The following BTBD7 variants were observed in gnomAD, a reference collection of about 807,000 sequenced individuals.
BTBD7 encodes the protein BTB domain containing 7, also known as BTB/POZ domain-containing protein 7.
Under a neutral mutation model 99.9 loss-of-function variants are expected in BTBD7, and 38 were observed. The observed-to-expected ratio is 0.38, with a 90% confidence interval of 0.29 to 0.50. BTBD7 has a LOEUF of 0.50. Among genes scored for constraint, BTBD7 ranks in the 20% least tolerant of loss-of-function variants. BTBD7 has a pLI of 0.93. For synonymous variants in BTBD7, 520 were observed against 511.4 expected (o/e 1.02, Z -0.23); for missense variants, 1,170 against 1,394.6 (o/e 0.84, Z 2.57).
rs1190193853 is a variant in BTBD7, at chr14:93,300,925, T to G, written c.-106-4768A>C. On this transcript the variant is annotated intron_variant, in intron 1 of 10. Transcript: ENST00000334746. The stretch of plus-strand genomic sequence containing the variant: ...CCACGGTGCCCAGCTGGAAGGTATT[T>G]CCATACTAAATGTTAATCTACAGAG... 5.9e-5 allele frequency among the ~76,000 whole-genome samples: 9 copies of G among 152,076 alleles called. 1 individual carries two copies. The highest frequency in any genetic ancestry group is 1.5e-5 in the Non-Finnish European group (1 of 67,956).
At chr14:93,265,343 C>A (rs1053333395) in intron 3 of BTBD7, among the ~76,000 whole-genome samples, 1 of 152,154 alleles carries the variant, frequency 6.6e-6, no homozygotes, top group Admixed American at 6.5e-5. Context: ...CATAGAGAAC[C>A]GTATAACTTC....
At position 93,242,685 on chromosome 14, in the gene BTBD7, T is replaced by C. The variant is rs977390529; in HGVS notation, c.2987A>G (p.Gln996Arg). Residue 996 changes from glutamine (Q) to arginine (R), a missense_variant, in exon 11 of 11, where the codon CAG becomes CGG. Gln to Arg is a conservative substitution (Grantham distance 43). Coordinates refer to ENST00000334746, the MANE Select transcript of BTBD7 (RefSeq NM_001002860.4). Reference sequence around the variant, plus strand: ...TTCTTCCTGTTTTTTAGGAGACGTCTGACCAGGTAGGTAGGCTGACTTTAA... The same window carrying C: ...TTCTTCCTGTTTTTTAGGAGACGTCCGACCAGGTAGGTAGGCTGACTTTAA... ...SGLKSAYLPG[Q>R]TSPKKQEEAR... The C allele has an allele frequency of 1.2e-6, 2 of 1,614,214 alleles. No homozygotes were observed. The highest frequency in any genetic ancestry group is 2.2e-5 in the South Asian group (2 of 91,084).
At chr14:93,246,388 C>T (rs2052311690) in intron 9 of BTBD7, 102 bp from the exon 10 acceptor site, 2 of 1,226,052 alleles carry the variant, frequency 1.6e-6, no homozygotes, top group Non-Finnish European at 1.1e-6. Flanking sequence ...AAGAAAACCA[C>T]AGTCAGCAAG....
chr14:93,307,341 G>C (rs2053082415), intron 1 of BTBD7, among the ~76,000 whole-genome samples: 1 of 152,062 alleles, frequency 6.6e-6, no homozygotes, highest in Non-Finnish European at 1.5e-5. Context: ...TTTCTGTAGA[G>C]ACAGGGCCTC....
rs2052925063 is a variant in BTBD7 at position 93,296,215 on chromosome 14, T to A, written c.-106-58A>T. 4.1e-6 allele frequency: 5 copies of A among 1,216,696 alleles called. No homozygotes were observed. In the African/African-American group the frequency reaches 7.8e-5, roughly 19 times the overall value. 75.4% of individuals were successfully genotyped at this position (1,216,696 alleles called of 1,614,324 possible). A position where few individuals can be genotyped will look rare whatever the true frequency, so the allele number is the denominator to read the frequency against. The stretch of plus-strand genomic sequence containing the variant: ...TTTTCAAGTGTATCTCAGATCACAG[T>A]TTTTTTTAAAAAGCTACTGAAAACT... On this transcript the variant is annotated intron_variant, in intron 1 of 10. Transcript: ENST00000334746.
In BTBD7 at chr14:93,242,533, C is replaced by CTGGGT; in HGVS notation, c.3138_3139insACCCA (p.Ala1047ThrfsTer16). The CTGGGT allele has an allele frequency of 1.2e-6, 2 of 1,614,240 alleles. No individual in the cohort carries two copies. The highest frequency in any genetic ancestry group is 1.7e-6 in the Non-Finnish European group (2 of 1,180,050). ...CTGACATGGGCTGGACCGGTACTAG[C>CTGGGT]ATTTTCTGGGGCTGCCAAAGGAAAG... is the stretch of plus-strand genomic sequence containing the variant. On this transcript the variant is annotated frameshift_variant, in exon 11 of 11. Transcript: ENST00000334746. LOFTEE classifies it high-confidence loss of function.
chr14:93,331,568 C>T (rs76270837), intron 1 of BTBD7, among the ~76,000 whole-genome samples: 3,092 of 152,272 alleles, frequency 0.02, 55 homozygotes, highest in Non-Finnish European at 0.031. Flanking sequence ...GAAACAGATG[C>T]TATTAGGGAC....
At chr14:93,273,125 C>T (rs372244418) in intron 3 of BTBD7, among the ~76,000 whole-genome samples, 1 of 152,166 alleles carries the variant, frequency 6.6e-6, no homozygotes, top group African/African-American at 2.4e-5. Context: ...AGGTCTCCCC[C>T]TCCCATTCCT....
At chr14:93,317,296 C>T (rs996788930) in intron 1 of BTBD7, among the ~76,000 whole-genome samples, 4 of 152,058 alleles carry the variant, frequency 2.6e-5, no homozygotes, top group Non-Finnish European at 4.4e-5. Context: ...TGAGCCACTG[C>T]GCCCGGCCGG....
At chr14:93,287,661 T>C (rs376232838) in intron 3 of BTBD7, 1 of 152,198 alleles carries the variant, frequency 6.6e-6, no homozygotes, top group Admixed American at 6.5e-5. Flanking sequence ...TGTTCAAACA[T>C]TGAAAGTAAT....
chr14:93,307,180 G>C (rs1167154049), intron 1 of BTBD7, among the ~76,000 whole-genome samples: 2 of 152,034 alleles, frequency 1.3e-5, no homozygotes, highest in African/African-American at 4.8e-5. Flanking sequence ...TTATTTTTAA[G>C]AGGCAGAGTC....
intron 9 of BTBD7, among the ~76,000 whole-genome samples, chr14:93,247,409 G>A (rs1212180094): frequency 1.3e-5 from 2 of 152,114 alleles, no homozygotes; most frequent in Non-Finnish European, 2.9e-5. Flanking sequence ...GTGCAGTGGT[G>A]CAATCTTGGC....
chr14:93,301,462 T>C lies in BTBD7; in HGVS notation c.-106-5305A>G, dbSNP rs562869312. ...TGCCTTGGCCTCCCAAATGCTGGGA[T>C]TACAGGCGTGAGCCACCGTGCCCAG... On this transcript the variant is annotated intron_variant, in intron 1 of 10. Transcript: ENST00000334746. Among the ~76,000 whole-genome samples, 25 of 152,148 alleles carry C rather than the reference T, an allele frequency of 1.6e-4. No homozygotes were observed. In the East Asian group the frequency reaches 2.7e-3, roughly 17 times the overall value.
chr14:93,316,679 G>C (rs2053210830), intron 1 of BTBD7, among the ~76,000 whole-genome samples: 1 of 152,124 alleles, frequency 6.6e-6, no homozygotes, highest in South Asian at 2.1e-4. Flanking sequence ...AAATATAGTA[G>C]GTGCTTAACA....
chr14:93,300,756 GTGTGTGTGTGTGTGTGTATATATATA>G (rs2052990490), intron 1 of BTBD7, among the ~76,000 whole-genome samples: 1 of 48,030 alleles, frequency 2.1e-5, no homozygotes, highest in African/African-American at 1.3e-4. Flanking sequence ...GTGTGTGTGT[GTGTGTGTGTGTGTGTGTATATATATA>G]TATATTTTTT....
intron 1 of BTBD7, among the ~76,000 whole-genome samples, chr14:93,312,243 C>T (rs1166646433): frequency 6.6e-6 from 1 of 152,148 alleles, no homozygotes; most frequent in East Asian, 1.9e-4. Context: ...ATTCTCCCCA[C>T]ATTCTTGATA....
intron 1 of BTBD7, among the ~76,000 whole-genome samples, chr14:93,298,778 A>G (rs1422422817): frequency 6.6e-6 from 1 of 152,222 alleles, no homozygotes; most frequent in Non-Finnish European, 1.5e-5. Flanking sequence ...GCACAATTAG[A>G]TATCCTAAAG....
At chr14:93,278,989 G>C (rs2052687940) in intron 3 of BTBD7, among the ~76,000 whole-genome samples, 1 of 152,168 alleles carries the variant, frequency 6.6e-6, no homozygotes, top group Non-Finnish European at 1.5e-5. Context: ...TGAATACACA[G>C]AGCATAAAAC....
chr14:93,319,903 T>C lies in BTBD7; in HGVS notation c.-107+12917A>G, dbSNP rs192916524. ...AAGAAAGGAAGACTTGAGAGTTGAA[T>C]AACAGAGAACAAGAAAGAAAGGGGC... On this transcript the variant is annotated intron_variant, in intron 1 of 10. Coordinates refer to ENST00000334746, the MANE Select transcript of BTBD7 (RefSeq NM_001002860.4). Among the ~76,000 whole-genome samples, 60 of 152,182 alleles carry C rather than the reference T, an allele frequency of 3.9e-4. No individual in the cohort carries two copies. In the East Asian group the frequency reaches 0.011, roughly 29 times the overall value.
Sources: allele counts gnomAD v4.1 joint callset (sites outside exome capture counted in the v4.1 genomes callset), GRCh38; gene constraint gnomAD v4.1.1; transcripts MANE v1.5; gene names NCBI Gene and HGNC (gene_info 2026-07-23, HGNC 2026-07-21).